The following SEMA3F variants were observed in gnomAD, a reference collection of about 807,000 sequenced individuals.
The protein encoded by SEMA3F is semaphorin-3F.
Under a neutral mutation model 98.5 loss-of-function variants are expected in SEMA3F, and 30 were observed. That is an observed-to-expected ratio of 0.30 (90% CI 0.23 to 0.41). The LOEUF (loss-of-function observed/expected upper bound fraction) is 0.41. Among genes scored for constraint, SEMA3F ranks in the 10% least tolerant of loss-of-function variants. The probability of loss-of-function intolerance (pLI) is 1.00; values close to 1 mark genes in which losing one functional copy is unlikely to be tolerated. For missense variants in SEMA3F, 866 were observed against 1,119.3 expected (o/e 0.77, Z 3.23); for synonymous variants, 380 against 444.8 (o/e 0.85, Z 1.83).
intron 2 of SEMA3F, among the ~76,000 whole-genome samples, chr3:50,162,311 G>A (rs906262708): frequency 8.5e-5 from 13 of 152,340 alleles, no homozygotes; most frequent in Non-Finnish European, 1.9e-4. Context: ...CAGGTCTAGA[G>A]CCAGAAGGGT....
chr3:50,162,450 G>A (rs527476139), intron 2 of SEMA3F, among the ~76,000 whole-genome samples: 56 of 152,346 alleles, frequency 3.7e-4, no homozygotes, highest in African/African-American at 1.3e-3. Context: ...GAGCAGGTGA[G>A]GTGTTTGTTC....
At chr3:50,183,854 G>T (rs1699110875) in intron 12 of SEMA3F, among the ~76,000 whole-genome samples, 1 of 152,170 alleles carries the variant, frequency 6.6e-6, no homozygotes, top group African/African-American at 2.4e-5. Context: ...CCCTGCAGGT[G>T]CTGGAGGCAG....
In SEMA3F at chr3:50,185,424, C is replaced by G. The variant is rs1319094602; in HGVS notation, c.1457-19C>G. The G allele has an allele frequency of 6.2e-7, 1 of 1,606,528 alleles. No homozygotes were observed. The highest frequency in any genetic ancestry group is 1.3e-5 in the African/African-American group (1 of 74,718). On this transcript the variant is annotated intron_variant, in intron 13 of 18. Coordinates refer to ENST00000002829, the MANE Select transcript of SEMA3F (RefSeq NM_004186.5). ...CCAGCATCCCCAGCCCCACTGAGGC[C>G]CTGCCCGGCCCGTTCCAGACCGCGG...
chr3:50,181,304 T>C (rs902698671), intron 7 of SEMA3F, among the ~76,000 whole-genome samples: 7 of 151,902 alleles, frequency 4.6e-5, no homozygotes, highest in Admixed American at 2.0e-4. Flanking sequence ...TTTTGTTTTT[T>C]TGTGTTTTTT....
intron 6 of SEMA3F, among the ~76,000 whole-genome samples, chr3:50,176,417 AG>A (rs1698810096): frequency 6.6e-6 from 1 of 152,142 alleles, no homozygotes; most frequent in African/African-American, 2.4e-5. Flanking sequence ...TCTGTAGCCC[AG>A]GGGGCCTTGG....
intron 7 of SEMA3F, among the ~76,000 whole-genome samples, chr3:50,180,512 C>T (rs924822016): frequency 6.6e-6 from 1 of 152,166 alleles, no homozygotes; most frequent in Non-Finnish European, 1.5e-5. Flanking sequence ...TTCACTTGAA[C>T]ACTTAGAGGC....
chr3:50,168,619 G>T (rs889343565), intron 2 of SEMA3F, among the ~76,000 whole-genome samples: 1 of 152,186 alleles, frequency 6.6e-6, no homozygotes, highest in African/African-American at 2.4e-5. Flanking sequence ...AGGCCTTCCG[G>T]CTGGCCGCTC....
At chr3:50,174,013 T>C (rs970735446) in intron 3 of SEMA3F, 39 bp from the exon 4 acceptor site, 2 of 1,614,002 alleles carry the variant, frequency 1.2e-6, no homozygotes, top group Non-Finnish European at 8.5e-7. Flanking sequence ...GCTCAGGGCA[T>C]GTCCAGAAGG....
chr3:50,163,328 T>G (rs1263723472), intron 2 of SEMA3F, among the ~76,000 whole-genome samples: 1 of 152,206 alleles, frequency 6.6e-6, no homozygotes, highest in Non-Finnish European at 1.5e-5. Flanking sequence ...CTCTGGCCCT[T>G]CCACTGAGCA....
At position 50,182,807 on chromosome 3, in the gene SEMA3F, G is replaced by C. The variant is rs1233650897; in HGVS notation, c.903+24G>C. ...TGGTATGCATTGGCAGAGCCACCAGGCTGCCCCTTCCACCAGTTCTGGCTT... is the reference window on the plus strand; with the variant it reads ...TGGTATGCATTGGCAGAGCCACCAGCCTGCCCCTTCCACCAGTTCTGGCTT... On this transcript the variant is annotated intron_variant, in intron 9 of 18. Coordinates refer to ENST00000002829, the MANE Select transcript of SEMA3F (RefSeq NM_004186.5). This position sits in a 1 kb window ranked among gnomAD's most constrained non-coding sequence, Gnocchi z 4.5. 8 of 1,611,362 alleles carry C rather than the reference G, an allele frequency of 5.0e-6. No homozygotes were observed. The highest frequency in any genetic ancestry group is 3.3e-5 in the Admixed American group (2 of 59,946).
At position 50,182,978 on chromosome 3, in the gene SEMA3F, C is replaced by T. The variant is rs1350478884; in HGVS notation, c.978C>T (p.Val326=). The T allele has an allele frequency of 3.1e-6, 5 of 1,613,920 alleles. No individual in the cohort carries two copies. The highest frequency in any genetic ancestry group is 4.2e-6 in the Non-Finnish European group (5 of 1,180,022). Residue 326 remains valine, a synonymous_variant, in exon 10 of 19, where the codon GTC becomes GTT. Transcript: ENST00000002829. This position sits in a 1 kb window ranked among gnomAD's most constrained non-coding sequence, Gnocchi z 4.5. Reference sequence around the variant, plus strand: ...TGAAGGCGCGGCTCGTCTGCTCTGTCCCGGGCGAGGATGGCATTGAGACTC... The same window carrying T: ...TGAAGGCGCGGCTCGTCTGCTCTGTTCCGGGCGAGGATGGCATTGAGACTC... ...TFLKARLVCS[V]PGEDGIETHF...
chr3:50,182,382 T>C lies in SEMA3F; in HGVS notation c.742T>C (p.Tyr248His), dbSNP rs754496254. Residue 248 changes from tyrosine to histidine, a missense_variant, in exon 8 of 19, where the codon TAC becomes CAC. Around this residue, in one of 3 missense-constraint regions of SEMA3F, gnomAD observed 374 missense variants for 582.8 expected, o/e 0.64. Transcript: ENST00000002829. The surrounding 1 kb of genome is among the most constrained non-coding windows in gnomAD (Gnocchi z 4.5). ...GCAGACAGCCATGCGCACGGATCAG[T>C]ACAACTCCCGGTGGCTGAACGGTAA... ...GKQTAMRTDQYNSRWLNDPSF... is the reference protein window; with the variant it reads ...GKQTAMRTDQHNSRWLNDPSF... The C allele has an allele frequency of 2.1e-5, 34 of 1,613,822 alleles. No homozygotes were observed. Among genetic ancestry groups the C allele is most frequent in the Admixed American group, 1.3e-4 (8 of 60,010 alleles).
chr3:50,186,183 C>T lies in SEMA3F; in HGVS notation c.1746-98C>T, dbSNP rs567251814. On this transcript the variant is annotated intron_variant, in intron 16 of 18. Coordinates refer to ENST00000002829, the MANE Select transcript of SEMA3F (RefSeq NM_004186.5). Reference sequence around the variant, plus strand: ...AGTCTTATGGGTAAGACATCACTGCCCTGGGGAAAAAGGGCCCTGCCCTGG... The same window carrying T: ...AGTCTTATGGGTAAGACATCACTGCTCTGGGGAAAAAGGGCCCTGCCCTGG... 2.0e-5 allele frequency: 30 copies of T among 1,482,266 alleles called. No homozygotes were observed. In the African/African-American group the frequency reaches 3.3e-4, roughly 16 times the overall value. The allele number at this position is 1,482,266 out of a possible 1,614,324, so 91.8% of individuals were successfully genotyped here.
intron 5 of SEMA3F, among the ~76,000 whole-genome samples, 180 bp downstream of exon 5, chr3:50,174,530 G>A (rs1698734715): frequency 1.3e-5 from 2 of 152,262 alleles, no homozygotes; most frequent in African/African-American, 4.8e-5. Flanking sequence ...GCTAACCGCT[G>A]CCTTTCTCAC....
rs778463011 is a variant in SEMA3F, at chr3:50,176,899, G to A, written c.643+38G>A. The stretch of plus-strand genomic sequence containing the variant: ...CAACCCCGCTCTACAGTCTCAATGT[G>A]TGGCCTCTGCCCCTGGAGATGGGGC... On this transcript the variant is annotated intron_variant, in intron 7 of 18. Coordinates refer to ENST00000002829, the MANE Select transcript of SEMA3F (RefSeq NM_004186.5). The A allele has an allele frequency of 2.6e-6, 4 of 1,513,086 alleles. No homozygotes were observed. In the African/African-American group the frequency reaches 4.1e-5, roughly 16 times the overall value. 93.7% of individuals were successfully genotyped at this position (1,513,086 alleles called of 1,614,324 possible). A position where few individuals can be genotyped will look rare whatever the true frequency, so the allele number is the denominator to read the frequency against.
At chr3:50,168,134 G>T (rs1385920390) in intron 2 of SEMA3F, among the ~76,000 whole-genome samples, 1 of 152,136 alleles carries the variant, frequency 6.6e-6, no homozygotes, top group Non-Finnish European at 1.5e-5. Flanking sequence ...GGTTGGTGTG[G>T]ATGGCTCCTA....
chr3:50,183,702 G>C, intron 12 of SEMA3F, 138 bp downstream of exon 12: 1 of 867,862 alleles, frequency 1.2e-6, no homozygotes, highest in Non-Finnish European at 1.8e-6. Flanking sequence ...ACACACAGAC[G>C]GGCCTTCACA....
chr3:50,161,965 C>T (rs947436910), intron 2 of SEMA3F, among the ~76,000 whole-genome samples: 1 of 152,218 alleles, frequency 6.6e-6, no homozygotes, highest in African/African-American at 2.4e-5. Context: ...CACCATCTTC[C>T]TCCCAGAGTA....
chr3:50,168,195 C>T (rs1475711280), intron 2 of SEMA3F, among the ~76,000 whole-genome samples: 1 of 151,880 alleles, frequency 6.6e-6, no homozygotes, highest in African/African-American at 2.4e-5. Flanking sequence ...AGATGCTATG[C>T]GGGGGCAGAT....
Sources: gnomAD v4.1 joint callset for allele counts (sites outside exome capture counted in the v4.1 genomes callset) on GRCh38, gnomAD v4.1.1 for gene constraint, gnomAD v4.1.1 regional missense constraint, Gnocchi (gnomAD v3.1) non-coding constraint, MANE v1.5 for transcripts, NCBI Gene and HGNC (gene_info 2026-07-23, HGNC 2026-07-21) for gene names.